The following CCDC178 variants were observed in gnomAD, a reference collection of about 807,000 sequenced individuals.
CCDC178 encodes the protein coiled-coil domain containing 178.
A neutral mutation model predicts 117.4 loss-of-function variants in CCDC178; 126 were observed. The observed-to-expected ratio is 1.07, with a 90% confidence interval of 0.93 to 1.24. CCDC178 has a LOEUF of 1.24. CCDC178 is among the 50% of genes most tolerant of loss of function. CCDC178 has a pLI of 0.00. For missense variants in CCDC178, 1,030 were observed against 986.9 expected (o/e 1.04, Z -0.59); for synonymous variants, 283 against 313.4 (o/e 0.90, Z 1.02).
chr18:33,293,448 C>A, intron 11 of CCDC178, 136 bp from the exon 12 acceptor site: 1 of 450,990 alleles, frequency 2.2e-6, no homozygotes, highest in East Asian at 4.0e-5. Flanking sequence ...TGGCTTGAGT[C>A]CAGGAGTTCA....
intron 21 of CCDC178, among the ~76,000 whole-genome samples, chr18:33,031,531 G>C (rs556847273): frequency 6.6e-6 from 1 of 152,006 alleles, no homozygotes; most frequent in African/African-American, 2.4e-5. Flanking sequence ...ATAATTTTAT[G>C]TCTTTTATTA....
intron 21 of CCDC178, among the ~76,000 whole-genome samples, chr18:33,088,650 T>C (rs569592442): frequency 6.6e-6 from 1 of 152,266 alleles, no homozygotes; most frequent in Non-Finnish European, 1.5e-5. Context: ...GAATTACAAG[T>C]GTTCTATGAG....
At chr18:33,067,313 T>G (rs564856976) in intron 21 of CCDC178, among the ~76,000 whole-genome samples, 1 of 151,894 alleles carries the variant, frequency 6.6e-6, no homozygotes, top group South Asian at 2.1e-4. Flanking sequence ...CAAATGAAAA[T>G]TAAAATACAA....
At chr18:33,133,951 C>T (rs2058096073) in intron 20 of CCDC178, among the ~76,000 whole-genome samples, 1 of 151,724 alleles carries the variant, frequency 6.6e-6, no homozygotes, top group African/African-American at 2.4e-5. Flanking sequence ...CATATGATGT[C>T]GGCAAAGAGG....
chr18:33,151,756 G>A (rs1426537054), intron 20 of CCDC178, among the ~76,000 whole-genome samples: 1 of 152,098 alleles, frequency 6.6e-6, no homozygotes, highest in African/African-American at 2.4e-5. Flanking sequence ...ATTAAACATG[G>A]TACAGTGAAT....
At chr18:32,952,532 A>C (rs564272247) in intron 22 of CCDC178, among the ~76,000 whole-genome samples, 2 of 152,178 alleles carry the variant, frequency 1.3e-5, no homozygotes, top group Non-Finnish European at 2.9e-5. Flanking sequence ...GTGGCCACAT[A>C]GAACAGGGGG....
chr18:32,944,707 C>T lies in CCDC178; in HGVS notation c.2524-6616G>A, dbSNP rs113637740. On this transcript the variant is annotated intron_variant, in intron 22 of 22. Coordinates refer to ENST00000383096, the MANE Select transcript of CCDC178 (RefSeq NM_001105528.4). ...GGTTTGGCTGCGTCCCCACCCAAACCTCACCTTGAATTGTAGCTCCCATAA... is the reference window on the plus strand; with the variant it reads ...GGTTTGGCTGCGTCCCCACCCAAACTTCACCTTGAATTGTAGCTCCCATAA... Among the ~76,000 whole-genome samples, 363 of 152,310 alleles carry T rather than the reference C, an allele frequency of 2.4e-3. 1 individual carries two copies. Among genetic ancestry groups the T allele is most frequent in the African/African-American group, 7.4e-3 (306 of 41,572 alleles).
At chr18:33,277,404 T>C (rs2059964370) in intron 12 of CCDC178, among the ~76,000 whole-genome samples, 1 of 152,168 alleles carries the variant, frequency 6.6e-6, no homozygotes, top group Non-Finnish European at 1.5e-5. Flanking sequence ...GGAAACCCTT[T>C]AAAAATGCTC....
chr18:33,200,949 A>G (rs2058984143), intron 20 of CCDC178, among the ~76,000 whole-genome samples: 1 of 152,230 alleles, frequency 6.6e-6, no homozygotes, highest in Non-Finnish European at 1.5e-5. Flanking sequence ...ATGAACAAAA[A>G]TCAATATAGT....
intron 20 of CCDC178, among the ~76,000 whole-genome samples, chr18:33,207,603 A>C (rs1206290201): frequency 2.6e-5 from 4 of 151,590 alleles, no homozygotes; most frequent in Admixed American, 2.6e-4. Flanking sequence ...ACTATATAAG[A>C]AAAATACTAA....
intron 21 of CCDC178, among the ~76,000 whole-genome samples, chr18:32,991,353 T>A (rs1235101137): frequency 6.6e-6 from 1 of 152,116 alleles, no homozygotes; most frequent in African/African-American, 2.4e-5. Flanking sequence ...GGGGCCAGGA[T>A]AACTATGCCT....
intron 11 of CCDC178, among the ~76,000 whole-genome samples, chr18:33,316,900 C>T (rs971275114): frequency 6.6e-6 from 1 of 151,890 alleles, no homozygotes; most frequent in African/African-American, 2.4e-5. Flanking sequence ...CTGTATCTAG[C>T]TAATCTAGTG....
chr18:33,031,728 G>C (rs1457225604), intron 21 of CCDC178, among the ~76,000 whole-genome samples: 1 of 151,764 alleles, frequency 6.6e-6, no homozygotes. Flanking sequence ...TCAAGTCCTA[G>C]ACATATATGC....
chr18:33,007,812 T>C (rs1446949220), intron 21 of CCDC178, among the ~76,000 whole-genome samples: 1 of 152,146 alleles, frequency 6.6e-6, no homozygotes, highest in African/African-American at 2.4e-5. Flanking sequence ...TAACAAGGGC[T>C]GAATTTTTCA....
At chr18:33,244,289 T>A (rs1022382080) in intron 15 of CCDC178, among the ~76,000 whole-genome samples, 28 of 151,884 alleles carry the variant, frequency 1.8e-4, no homozygotes, top group African/African-American at 6.5e-4. Context: ...AGGAGACACG[T>A]ATGTGTGTAA....
chr18:33,307,572 C>T (rs917076931), intron 11 of CCDC178, among the ~76,000 whole-genome samples: 2 of 152,206 alleles, frequency 1.3e-5, no homozygotes, highest in African/African-American at 4.8e-5. Flanking sequence ...GAAATGCAAG[C>T]TGGCTGCATA....
chr18:32,990,837 AAAAAG>A (rs1209152899), intron 21 of CCDC178, among the ~76,000 whole-genome samples: 1 of 152,046 alleles, frequency 6.6e-6, no homozygotes, highest in African/African-American at 2.4e-5. Flanking sequence ...TACCAATATG[AAAAAG>A]AAAAGAAAAG....
chr18:33,262,237 T>C (rs914319497), intron 14 of CCDC178, among the ~76,000 whole-genome samples: 1 of 152,226 alleles, frequency 6.6e-6, no homozygotes, highest in African/African-American at 2.4e-5. Context: ...AAAGTACTTC[T>C]GCATTTTACA....
intron 21 of CCDC178, among the ~76,000 whole-genome samples, chr18:33,005,882 CATA>C (rs1769882007): frequency 6.6e-6 from 1 of 152,038 alleles, no homozygotes; most frequent in Admixed American, 6.6e-5. Context: ...AGAACTGAAG[CATA>C]ATATCAAATG....
Sources: gnomAD v4.1 joint callset for allele counts (sites outside exome capture counted in the v4.1 genomes callset) on GRCh38, gnomAD v4.1.1 for gene constraint, MANE v1.5 for transcripts, NCBI Gene and HGNC (gene_info 2026-07-23, HGNC 2026-07-21) for gene names.